MROH2B: variants seen among roughly 807,000 people sequenced by gnomAD.
MROH2B encodes the protein maestro heat-like repeat-containing protein family member 2B.
A neutral mutation model predicts 208.6 loss-of-function variants in MROH2B; 177 were observed. The ratio of observed to expected loss-of-function variants is 0.85; its 90% CI spans 0.75 to 0.96. MROH2B has a LOEUF of 0.96. Ranked by LOEUF, MROH2B falls within the 40% of genes least tolerant of loss-of-function variation. The pLI is 0.00. For missense variants in MROH2B, 2,002 were observed against 1,878.7 expected (o/e 1.07, Z -1.21); for synonymous variants, 728 against 659.0 (o/e 1.10, Z -1.60).
intron 1 of MROH2B, 62 bp downstream of exon 1, chr5:41,070,763 T>C (rs1426342508): frequency 2.6e-5 from 41 of 1,563,828 alleles, no homozygotes; most frequent in Non-Finnish European, 3.2e-5. Flanking sequence ...TATATACTTA[T>C]AATTCCACAG....
chr5:41,011,471 T>G (rs1255709208), intron 30 of MROH2B, among the ~76,000 whole-genome samples: 3 of 152,130 alleles, frequency 2.0e-5, no homozygotes, highest in Non-Finnish European at 4.4e-5. Flanking sequence ...GCCTACCACA[T>G]AGTAGGTGCT....
At chr5:41,031,465 C>T (rs1579931025) in intron 24 of MROH2B, among the ~76,000 whole-genome samples, 2 of 152,080 alleles carry the variant, frequency 1.3e-5, no homozygotes, top group African/African-American at 4.8e-5. Context: ...CAAAGTCAAA[C>T]CACATCAAGG....
intron 37 of MROH2B, among the ~76,000 whole-genome samples, chr5:41,002,041 G>C (rs563312505): frequency 6.6e-6 from 1 of 152,248 alleles, no homozygotes; most frequent in South Asian, 2.1e-4. Context: ...TAATGAAAAT[G>C]AAAGTAGAAA....
chr5:41,027,084 C>T (rs1421425494), intron 24 of MROH2B, among the ~76,000 whole-genome samples: 1 of 152,114 alleles, frequency 6.6e-6, no homozygotes, highest in Admixed American at 6.6e-5. Context: ...CCATAAAAAC[C>T]CTAGAAGAAA....
intron 24 of MROH2B, among the ~76,000 whole-genome samples, chr5:41,022,007 C>A (rs904348193): frequency 6.6e-6 from 1 of 152,134 alleles, no homozygotes; most frequent in African/African-American, 2.4e-5. Flanking sequence ...TTTTAAAAAA[C>A]AAATTTTATT....
In MROH2B at chr5:41,032,726, AC is replaced by A; in HGVS notation, c.2441+15del. On this transcript the variant is annotated intron_variant, in intron 24 of 41. Coordinates refer to ENST00000399564, the MANE Select transcript of MROH2B (RefSeq NM_173489.5). ...GGAAAATACTTTTTCAATGAAAACA[AC>A]TAAAAATTATCTACCTGAGATACCT... 6.2e-7 allele frequency: 1 copy of A among 1,606,154 alleles called. No homozygotes were observed. The highest frequency in any genetic ancestry group is 1.7e-4 in the Middle Eastern group (1 of 6,036).
At chr5:41,048,780 C>A (rs1334497150) in intron 15 of MROH2B, among the ~76,000 whole-genome samples, 1 of 152,152 alleles carries the variant, frequency 6.6e-6, no homozygotes, top group Non-Finnish European at 1.5e-5. Context: ...TTGAGTAAAT[C>A]ATCCATATGG....
At chr5:41,015,356 C>A (rs761053951) in intron 29 of MROH2B, 25 bp downstream of exon 29, 5 of 1,586,782 alleles carry the variant, frequency 3.2e-6, no homozygotes, top group Admixed American at 3.4e-5. Context: ...ATCTTTACAT[C>A]CCCTGGCCAC....
Position 41,061,559 on chromosome 5 carries a change from G to A in MROH2B, c.615+11C>T. ...GGACATCCAGCTTGAGGCATCCTGA[G>A]GCCCACTCACCTGCATGGGTGAGGC... On this transcript the variant is annotated intron_variant, in intron 6 of 41. Coordinates refer to ENST00000399564, the MANE Select transcript of MROH2B (RefSeq NM_173489.5). 1 of 1,599,948 alleles carries A rather than the reference G, an allele frequency of 6.3e-7. No individual in the cohort carries two copies. The highest frequency in any genetic ancestry group is 8.5e-7 in the Non-Finnish European group (1 of 1,173,060).
chr5:41,048,295 G>T (rs777459164), intron 16 of MROH2B, 29 bp downstream of exon 16: 2 of 1,575,484 alleles, frequency 1.3e-6, no homozygotes, highest in South Asian at 2.4e-5. Context: ...TTGCCCCCTG[G>T]GTAAAGACCT....
chr5:41,022,313 T>A (rs1378443767), intron 24 of MROH2B, among the ~76,000 whole-genome samples: 1 of 151,996 alleles, frequency 6.6e-6, no homozygotes, highest in African/African-American at 2.4e-5. Context: ...AGGGAAGAGG[T>A]GACAGATGGC....
intron 6 of MROH2B, among the ~76,000 whole-genome samples, chr5:41,059,205 C>G (rs183960354): frequency 6.6e-6 from 1 of 152,128 alleles, no homozygotes; most frequent in African/African-American, 2.4e-5. Context: ...CTCCCATTCA[C>G]CTCTCAATCC....
At chr5:41,032,157 C>A (rs1742592318) in intron 24 of MROH2B, among the ~76,000 whole-genome samples, 1 of 152,098 alleles carries the variant, frequency 6.6e-6, no homozygotes. Flanking sequence ...ACCCAAACTG[C>A]TTTCCACAGT....
intron 24 of MROH2B, among the ~76,000 whole-genome samples, chr5:41,030,466 T>C (rs547196497): frequency 1.3e-5 from 2 of 151,842 alleles, no homozygotes; most frequent in East Asian, 1.9e-4. Flanking sequence ...CTAAAAGAAA[T>C]CATAGATGAC....
chr5:41,016,498 G>GTTTTTTTTTTTTTTTTT (rs10689623), intron 28 of MROH2B, among the ~76,000 whole-genome samples: 1 of 80,776 alleles, frequency 1.2e-5, no homozygotes, highest in Non-Finnish European at 2.1e-5. Context: ...CTACTGTAAT[G>GTTTTTTTTTTTTTTTTT]TTTTTTTTTT....
chr5:41,049,237 C>T (rs1005522989), intron 14 of MROH2B, 43 bp downstream of exon 14: 4 of 1,610,930 alleles, frequency 2.5e-6, no homozygotes, highest in Non-Finnish European at 2.5e-6. Context: ...GAAATGGATC[C>T]CTCATAATAG....
Position 41,069,608 on chromosome 5 carries a change from A to C in MROH2B, c.90+83T>G. 4 of 1,099,250 alleles carry C rather than the reference A, an allele frequency of 3.6e-6. 1 individual carries two copies. The South Asian group carries it at 4.3e-5, about 12-fold the overall frequency. The allele number at this position is 1,099,250 out of a possible 1,614,324, so 68.1% of individuals were successfully genotyped here. On this transcript the variant is annotated intron_variant, in intron 2 of 41. Transcript: ENST00000399564. ...GTAACAAGCCAGAGAAAAATGAGAA[A>C]GTTGAGACAAAGAAAAATATATACG...
In MROH2B at chr5:41,057,304, G is replaced by T; in HGVS notation, c.813C>A (p.Ser271Arg). Reference sequence around the variant, plus strand: ...AATTGATAAAGATGGATCTTCTCAAGCTCCTTGGAAGGCCAATGTCATAAA... The same window carrying T: ...AATTGATAAAGATGGATCTTCTCAATCTCCTTGGAAGGCCAATGTCATAAA... ...AVLYDIGLPRSLRRSIFINLL... is the reference protein window; with the variant it reads ...AVLYDIGLPRRLRRSIFINLL... Residue 271 changes from serine (S) to arginine (R), a missense_variant, in exon 8 of 42, where the codon AGC becomes AGA. Coordinates refer to ENST00000399564, the MANE Select transcript of MROH2B (RefSeq NM_173489.5). 6.3e-7 allele frequency: 1 copy of T among 1,595,770 alleles called. No homozygotes were observed. Among genetic ancestry groups the T allele is most frequent in the South Asian group, 1.1e-5 (1 of 88,158 alleles).
intron 30 of MROH2B, 30 bp from the exon 31 acceptor site, chr5:41,010,109 A>C (rs1741728354): frequency 6.2e-7 from 1 of 1,607,014 alleles, no homozygotes; most frequent in African/African-American, 1.3e-5. Flanking sequence ...GTCAAACATT[A>C]AGTTGCCATT....
Sources: allele counts gnomAD v4.1 joint callset (sites outside exome capture counted in the v4.1 genomes callset), GRCh38; gene constraint gnomAD v4.1.1; transcripts MANE v1.5; gene names NCBI Gene and HGNC (gene_info 2026-07-23, HGNC 2026-07-21).